Variants in TMEM164 observed in about 807,000 individuals in gnomAD.
The protein encoded by TMEM164 is transmembrane protein 164.
In TMEM164, 4 loss-of-function variants were observed where a neutral mutation model predicts 18.8. The observed-to-expected ratio is 0.21, with a 90% CI of 0.10 to 0.49. The LOEUF (loss-of-function observed/expected upper bound fraction) is 0.49, where lower values mean the gene tolerates loss of function less well. TMEM164 is among the 20% of genes least tolerant of loss of function. TMEM164 has a pLI of 0.98. For synonymous variants in TMEM164, 86 were observed against 101.7 expected (o/e 0.85, Z 0.93); for missense variants, 108 against 239.9 (o/e 0.45, Z 3.63).
chrX:110,148,675 ATTTT>A (rs373500523), intron 5 of TMEM164, among the ~76,000 whole-genome samples: 2 of 67,917 alleles, frequency 2.9e-5, no homozygotes, highest in African/African-American at 1.2e-4. Context: ...CACCCGGCTC[ATTTT>A]TTTTTTTTTT....
At chrX:110,007,003 GC>G (rs1932761280) in intron 2 of TMEM164, among the ~76,000 whole-genome samples, 1 of 112,335 alleles carries the variant, frequency 8.9e-6, no homozygotes, top group Admixed American at 9.4e-5. Context: ...TTATAAAAAG[GC>G]CTTCTTCCTC....
intron 2 of TMEM164, among the ~76,000 whole-genome samples, chrX:110,029,081 C>T (rs1478415395): frequency 9.0e-6 from 1 of 111,170 alleles, no homozygotes. Context: ...GAAAGCATCC[C>T]TCTGGGTGGG....
intron 5 of TMEM164, among the ~76,000 whole-genome samples, chrX:110,149,111 G>A (rs1249483631): frequency 9.2e-6 from 1 of 108,908 alleles, no homozygotes; most frequent in Non-Finnish European, 1.9e-5. Flanking sequence ...AAATATATAC[G>A]CTTTCAAGAG....
intron 2 of TMEM164, among the ~76,000 whole-genome samples, chrX:110,065,809 GA>G (rs1936315925): frequency 8.9e-6 from 1 of 111,762 alleles, no homozygotes; most frequent in African/African-American, 3.3e-5. Flanking sequence ...ATTTTTATGG[GA>G]AACATATGAA....
At chrX:110,123,452 A>G (rs1171921665) in intron 4 of TMEM164, among the ~76,000 whole-genome samples, 1 of 111,969 alleles carries the variant, frequency 8.9e-6, no homozygotes, top group Non-Finnish European at 1.9e-5. Context: ...TAGTGTTCAG[A>G]TGATAAGGCC....
At chrX:110,085,607 G>C (rs553368383) in intron 3 of TMEM164, among the ~76,000 whole-genome samples, 25 of 111,208 alleles carry the variant, frequency 2.2e-4, no homozygotes, top group South Asian at 7.6e-4. Context: ...TTGTTGGCAG[G>C]CAGGTTGATA....
rs2067258619 is a variant in TMEM164 at position 110,173,618 on chromosome X, T to C, written c.*167T>C. 2.1e-6 allele frequency: 1 copy of C among 472,237 alleles called. No homozygotes were observed. Among genetic ancestry groups the C allele is most frequent in the Non-Finnish European group, 3.5e-6 (1 of 284,965 alleles). 38.9% of individuals were successfully genotyped at this position (472,237 alleles called of 1,213,427 possible). The stretch of plus-strand genomic sequence containing the variant: ...TCTACCACTCTTCCTTTCCCAGCTC[T>C]TCCCCCTACGATGTCTCCTTGAGCC... On this transcript the variant is annotated 3_prime_UTR_variant, in exon 7 of 7. Transcript: ENST00000372068.
At chrX:110,153,330 C>A (rs919840907) in intron 5 of TMEM164, among the ~76,000 whole-genome samples, 2 of 111,944 alleles carry the variant, frequency 1.8e-5, no homozygotes, top group African/African-American at 6.5e-5. Flanking sequence ...GAATGACCTT[C>A]TATTCAGGGA....
chrX:110,065,857 A>G lies in TMEM164; in HGVS notation c.391-1490A>G, dbSNP rs145437730. Among the ~76,000 whole-genome samples the G allele has an allele frequency of 1.2e-3, 136 of 112,403 alleles. 1 individual carries two copies. The East Asian group carries it at 0.027, about 22-fold the overall frequency. ...AGTGGAAGAAATAAAGTCTATAAGT[A>G]GCCTAACCTCAATTCAAGTCGTATT... On this transcript the variant is annotated intron_variant, in intron 2 of 6. Coordinates refer to ENST00000372068, the MANE Select transcript of TMEM164 (RefSeq NM_032227.4).
intron 2 of TMEM164, among the ~76,000 whole-genome samples, chrX:110,013,778 G>C (rs1415355750): frequency 8.9e-6 from 1 of 111,965 alleles, no homozygotes; most frequent in East Asian, 2.8e-4. Flanking sequence ...GTTGTTGTGA[G>C]GGTTAAATAA....
intron 2 of TMEM164, among the ~76,000 whole-genome samples, chrX:110,049,561 C>T (rs758294124): frequency 9.0e-6 from 1 of 111,356 alleles, no homozygotes; most frequent in African/African-American, 3.3e-5. Context: ...GATGCTCACT[C>T]ATCTGGCACT....
chrX:110,147,250 G>A (rs765487579), intron 5 of TMEM164, among the ~76,000 whole-genome samples: 20 of 110,507 alleles, frequency 1.8e-4, no homozygotes, highest in Admixed American at 1.4e-3. Context: ...TGGCCCTCTG[G>A]AACTCTATTT....
intron 4 of TMEM164, among the ~76,000 whole-genome samples, chrX:110,112,022 A>G (rs903371868): frequency 9.0e-6 from 1 of 110,592 alleles, no homozygotes; most frequent in Non-Finnish European, 1.9e-5. Flanking sequence ...AACCTGAGCA[A>G]CACAGTGAGA....
chrX:110,046,063 C>A, intron 2 of TMEM164: 2 of 754,546 alleles, frequency 2.7e-6, no homozygotes, highest in Non-Finnish European at 3.1e-6. Context: ...CAATCGACTT[C>A]TGGGTTGAGT....
At chrX:110,103,114 A>G (rs758864446) in intron 3 of TMEM164, among the ~76,000 whole-genome samples, 1 of 112,626 alleles carries the variant, frequency 8.9e-6, no homozygotes, top group Admixed American at 9.4e-5. Flanking sequence ...TACAAAACCA[A>G]AAAAGCTTAT....
chrX:110,076,942 G>A (rs1329528004), intron 3 of TMEM164, among the ~76,000 whole-genome samples: 9 of 112,123 alleles, frequency 8.0e-5, no homozygotes, highest in Non-Finnish European at 1.7e-4. Flanking sequence ...TGATTGTTGG[G>A]TGGAGTGTTC....
At chrX:110,158,546 CAG>C (rs2067049227) in intron 5 of TMEM164, among the ~76,000 whole-genome samples, 1 of 112,455 alleles carries the variant, frequency 8.9e-6, no homozygotes, top group Non-Finnish European at 1.9e-5. Flanking sequence ...GAATGGGAGA[CAG>C]AGCAGCACTT....
intron 2 of TMEM164, among the ~76,000 whole-genome samples, chrX:110,027,179 T>A (rs1285334598): frequency 1.8e-5 from 2 of 111,450 alleles, no homozygotes; most frequent in Non-Finnish European, 3.8e-5. Flanking sequence ...AATTTTTTTG[T>A]TGGTATTATT....
intron 4 of TMEM164, among the ~76,000 whole-genome samples, chrX:110,134,107 C>T (rs1171354047): frequency 8.9e-6 from 1 of 111,793 alleles, no homozygotes. Flanking sequence ...CCAGAACAAA[C>T]AGCATCTTTT....
Sources: allele counts gnomAD v4.1 joint callset (sites outside exome capture counted in the v4.1 genomes callset), GRCh38; gene constraint gnomAD v4.1.1; transcripts MANE v1.5; gene names NCBI Gene and HGNC (gene_info 2026-07-23, HGNC 2026-07-21).